Variants in GRM7 observed in about 807,000 individuals in gnomAD.
The protein encoded by GRM7 is glutamate metabotropic receptor 7, also known as metabotropic glutamate receptor 7.
GRM7 carries 35 observed loss-of-function variants against 84.5 expected under a neutral mutation model. That is an observed-to-expected ratio of 0.41 (90% CI 0.32 to 0.55). The LOEUF (loss-of-function observed/expected upper bound fraction) is 0.55, where lower values mean the gene tolerates loss of function less well. Among genes scored for constraint, GRM7 ranks in the 20% least tolerant of loss-of-function variants. GRM7 has a pLI of 0.19. For synonymous variants in GRM7, 487 were observed against 455.1 expected (o/e 1.07, Z -0.89); for missense variants, 1,003 against 1,194.6 (o/e 0.84, Z 2.36).
At chr3:7,607,750 T>TTTTTTC (rs1553624015) in intron 8 of GRM7, 2 of 148,254 alleles carry the variant, frequency 1.3e-5, no homozygotes, top group African/African-American at 2.5e-5. Flanking sequence ...TTTTTTTTTT[T>TTTTTTC]AGGTTTGGGG....
rs570007046 is a variant in GRM7 at position 7,567,078 on chromosome 3, G to A, written c.1516-11344G>A. 1.1e-4 allele frequency among the ~76,000 whole-genome samples: 16 copies of A among 152,256 alleles called. No homozygotes were observed. In the South Asian group the frequency reaches 2.1e-3, roughly 20 times the overall value. Reference sequence around the variant, plus strand: ...AATTTAACAAACTTGTGTTCCATTAGACTTGGTTGTTTGGGGTGGGGAAAA... The same window carrying A: ...AATTTAACAAACTTGTGTTCCATTAAACTTGGTTGTTTGGGGTGGGGAAAA... On this transcript the variant is annotated intron_variant, in intron 7 of 9. Transcript: ENST00000357716.
chr3:7,099,361 T>C (rs1029496801), intron 1 of GRM7, among the ~76,000 whole-genome samples: 1 of 148,270 alleles, frequency 6.7e-6, no homozygotes, highest in African/African-American at 2.5e-5. Context: ...TATGTACACA[T>C]GTATACATAT....
intron 9 of GRM7, among the ~76,000 whole-genome samples, chr3:7,713,119 G>GTTTTT (rs1553640882): frequency 7.2e-5 from 4 of 55,642 alleles, no homozygotes; most frequent in Non-Finnish European, 1.4e-4. Context: ...TTCGAATTTT[G>GTTTTT]TTTTGTTTTT....
chr3:7,274,297 A>G (rs1698972720), intron 2 of GRM7, among the ~76,000 whole-genome samples: 1 of 152,026 alleles, frequency 6.6e-6, no homozygotes, highest in African/African-American at 2.4e-5. Context: ...TCAATAAAGA[A>G]TAAGAAAAAT....
intron 7 of GRM7, among the ~76,000 whole-genome samples, chr3:7,505,662 T>A (rs1252508054): frequency 6.6e-6 from 1 of 152,158 alleles, no homozygotes; most frequent in Non-Finnish European, 1.5e-5. Flanking sequence ...GACTTATACC[T>A]TCTATAGTTT....
intron 1 of GRM7, among the ~76,000 whole-genome samples, chr3:7,055,475 A>C (rs946456607): frequency 7.5e-6 from 1 of 132,854 alleles, no homozygotes; most frequent in East Asian, 2.1e-4. Context: ...TATTTTATAT[A>C]TCTGTGTGTG....
chr3:7,257,663 T>C (rs1010838207), intron 2 of GRM7, among the ~76,000 whole-genome samples: 41 of 152,178 alleles, frequency 2.7e-4, no homozygotes, highest in Non-Finnish European at 1.9e-4. Flanking sequence ...GTAAATTTTA[T>C]TTCTACCTCA....
At chr3:7,034,951 G>A (rs1483654488) in intron 1 of GRM7, among the ~76,000 whole-genome samples, 1 of 152,190 alleles carries the variant, frequency 6.6e-6, no homozygotes, top group Non-Finnish European at 1.5e-5. Context: ...GAGGATGAAG[G>A]CCTGGATGAG....
At chr3:6,966,676 G>T (rs747225920) in intron 1 of GRM7, among the ~76,000 whole-genome samples, 4 of 152,160 alleles carry the variant, frequency 2.6e-5, no homozygotes, top group Non-Finnish European at 5.9e-5. Flanking sequence ...AGTTCCAAAT[G>T]TTGCCATAAT....
At chr3:7,511,414 C>T (rs1016639476) in intron 7 of GRM7, among the ~76,000 whole-genome samples, 3 of 152,226 alleles carry the variant, frequency 2.0e-5, no homozygotes, top group African/African-American at 7.2e-5. Flanking sequence ...CATACAGAGG[C>T]TGCTGCACAG....
chr3:6,881,987 C>T (rs1695531264), intron 1 of GRM7, among the ~76,000 whole-genome samples: 1 of 150,484 alleles, frequency 6.6e-6, no homozygotes, highest in Non-Finnish European at 1.5e-5. Flanking sequence ...GGAAGTCCAC[C>T]TTAAAAATAT....
At chr3:7,357,408 A>G (rs1693457955) in intron 4 of GRM7, among the ~76,000 whole-genome samples, 1 of 152,018 alleles carries the variant, frequency 6.6e-6, no homozygotes, top group African/African-American at 2.4e-5. Flanking sequence ...CTACCCAGCA[A>G]CCCAGCACCA....
chr3:7,519,849 T>C (rs747939), intron 7 of GRM7: 1 of 152,100 alleles, frequency 6.6e-6, no homozygotes, highest in East Asian at 1.9e-4. Context: ...TAGAATCATT[T>C]GAAGCTTCAT....
intron 1 of GRM7, among the ~76,000 whole-genome samples, chr3:6,942,926 G>A (rs778354491): frequency 2.6e-5 from 4 of 152,020 alleles, no homozygotes; most frequent in Non-Finnish European, 5.9e-5. Context: ...GAGTATGCAT[G>A]GAGTGATATC....
Position 6,956,645 on chromosome 3 carries a change from G to A in GRM7, c.519+94738G>A, listed in dbSNP as rs994052458. On this transcript the variant is annotated intron_variant, in intron 1 of 9. Transcript: ENST00000357716. ...GTAAGTTCAAGCTCATCTTTTCTGTGCATGTTTACCTGCTCAGTACTGCTC... is the reference window on the plus strand; with the variant it reads ...GTAAGTTCAAGCTCATCTTTTCTGTACATGTTTACCTGCTCAGTACTGCTC... 6 of 456,490 alleles carry A rather than the reference G, an allele frequency of 1.3e-5. No individual in the cohort carries two copies. In the Admixed American group the frequency reaches 1.4e-4, roughly 11 times the overall value. 28.3% of individuals were successfully genotyped at this position (456,490 alleles called of 1,614,324 possible).
At chr3:7,115,779 C>T (rs1478127144) in intron 1 of GRM7, among the ~76,000 whole-genome samples, 1 of 152,010 alleles carries the variant, frequency 6.6e-6, no homozygotes, top group East Asian at 1.9e-4. Flanking sequence ...TTATTCTGTA[C>T]AAATAGAAGG....
At chr3:7,481,845 AT>A (rs1317438407) in intron 7 of GRM7, among the ~76,000 whole-genome samples, 1 of 152,218 alleles carries the variant, frequency 6.6e-6, no homozygotes, top group Non-Finnish European at 1.5e-5. Flanking sequence ...TGCAGAAAGC[AT>A]AGAAGGTGTG....
intron 4 of GRM7, among the ~76,000 whole-genome samples, chr3:7,402,308 A>G (rs1695486669): frequency 6.6e-6 from 1 of 152,188 alleles, no homozygotes; most frequent in Admixed American, 6.6e-5. Flanking sequence ...TGTGGAAGTG[A>G]TTTCCTAGAA....
Position 7,361,425 on chromosome 3 carries a change from T to C in GRM7, c.1034-53598T>C, listed in dbSNP as rs114305753. Among the ~76,000 whole-genome samples the C allele has an allele frequency of 6.1e-3, 934 of 152,272 alleles. 6 individuals carry two copies. Among genetic ancestry groups the C allele is most frequent in the African/African-American group, 0.021 (880 of 41,590 alleles). On this transcript the variant is annotated intron_variant, in intron 4 of 9. Transcript: ENST00000357716. ...TATTTTATTGCAAACTAGTGTCCTC[T>C]TGAGCCTACTGCCTATTTTCTGCAC...
Sources: allele counts gnomAD v4.1 joint callset (sites outside exome capture counted in the v4.1 genomes callset), GRCh38; gene constraint gnomAD v4.1.1; transcripts MANE v1.5; gene names NCBI Gene and HGNC (gene_info 2026-07-23, HGNC 2026-07-21).